Variants in PCCA observed in about 807,000 individuals in gnomAD.
PCCA encodes the protein propionyl-CoA carboxylase subunit alpha, also known as propionyl-CoA carboxylase alpha chain, mitochondrial.
PCCA carries 74 observed loss-of-function variants against 101.3 expected under a neutral mutation model. The ratio of observed to expected loss-of-function variants is 0.73; its 90% CI spans 0.61 to 0.89. The LOEUF is 0.89. Among genes scored for constraint, PCCA ranks in the 40% least tolerant of loss-of-function variants. The pLI is 0.00. For synonymous variants in PCCA, 294 were observed against 313.6 expected, an observed-to-expected ratio of 0.94 and a Z score of 0.66; for missense variants, 891 against 907.0, an observed-to-expected ratio of 0.98 and a Z score of 0.23.
intron 21 of PCCA, among the ~76,000 whole-genome samples, chr13:100,462,416 G>A (rs922928718): frequency 2.2e-4 from 34 of 152,112 alleles, no homozygotes; most frequent in African/African-American, 8.2e-4. Context: ...AACATGACTT[G>A]GTCCCTACCC....
intron 4 of PCCA, among the ~76,000 whole-genome samples, chr13:100,140,086 T>C (rs1297689965): frequency 6.6e-6 from 1 of 152,190 alleles, no homozygotes; most frequent in Non-Finnish European, 1.5e-5. Context: ...GCTCAGAAGT[T>C]CATAAACAAC....
At chr13:100,467,808 A>G (rs1354835559) in intron 21 of PCCA, among the ~76,000 whole-genome samples, 3 of 152,188 alleles carry the variant, frequency 2.0e-5, no homozygotes, top group Non-Finnish European at 4.4e-5. Context: ...CCAGTTCTTC[A>G]AACTCTTGTT....
chr13:100,265,898 C>T (rs1056626499), intron 10 of PCCA, among the ~76,000 whole-genome samples: 1 of 151,876 alleles, frequency 6.6e-6, no homozygotes, highest in African/African-American at 2.4e-5. Context: ...ATGGAGTGGG[C>T]TTTTACTGAG....
chr13:100,294,088 T>C (rs1042529413), intron 12 of PCCA, among the ~76,000 whole-genome samples: 3 of 152,068 alleles, frequency 2.0e-5, no homozygotes, highest in Non-Finnish European at 4.4e-5. Context: ...GCCAACAGGG[T>C]CAGTTTCTTT....
chr13:100,257,642 A>C lies in PCCA; in HGVS notation c.685A>C (p.Met229Leu). 3.1e-6 allele frequency: 5 copies of C among 1,613,842 alleles called. No homozygotes were observed. Among genetic ancestry groups the C allele is most frequent in the Non-Finnish European group, 4.2e-6 (5 of 1,179,820 alleles). ...CTCAGCAGGTGGTGGTGGGAAAGGC[A>C]TGCGCATTGCTTGGGATGATGAAGA... ...KASAGGGGKG[M>L]RIAWDDEETR... The change falls in exon 9 of 24, where the codon ATG (methionine) becomes CTG (leucine). Residue 229 changes from methionine (M) to leucine (L), a missense_variant. Transcript: ENST00000376285.
At chr13:100,158,301 A>T (rs1477501827) in intron 6 of PCCA, among the ~76,000 whole-genome samples, 1 of 152,164 alleles carries the variant, frequency 6.6e-6, no homozygotes, top group African/African-American at 2.4e-5. Flanking sequence ...GCATAACTGT[A>T]CTCGTATTCT....
chr13:100,392,723 A>G (rs2076859856), intron 19 of PCCA, among the ~76,000 whole-genome samples: 1 of 152,346 alleles, frequency 6.6e-6, no homozygotes, highest in South Asian at 2.1e-4. Context: ...GTGGTAAGTT[A>G]CCATGTTTCC....
At chr13:100,344,480 C>A (rs144508227) in intron 18 of PCCA, among the ~76,000 whole-genome samples, 1 of 152,120 alleles carries the variant, frequency 6.6e-6, no homozygotes, top group Non-Finnish European at 1.5e-5. Context: ...CCCCTTTGAG[C>A]CCATTAGGAA....
At chr13:100,230,820 T>G (rs2060425655) in intron 7 of PCCA, among the ~76,000 whole-genome samples, 1 of 152,174 alleles carries the variant, frequency 6.6e-6, no homozygotes, top group African/African-American at 2.4e-5. Context: ...TTATGGAGCT[T>G]ACATTTTAAT....
chr13:100,203,279 A>G (rs1660834132), intron 6 of PCCA, among the ~76,000 whole-genome samples: 1 of 151,604 alleles, frequency 6.6e-6, no homozygotes, highest in African/African-American at 2.4e-5. Flanking sequence ...GTCTCAAAAA[A>G]AAAAAAAAAA....
At chr13:100,104,034 T>C (rs1419616137) in intron 2 of PCCA, among the ~76,000 whole-genome samples, 1 of 152,194 alleles carries the variant, frequency 6.6e-6, no homozygotes, top group African/African-American at 2.4e-5. Context: ...TTGAGCCTTG[T>C]AGGGACTAGA....
chr13:100,353,248 G>A (rs990698425), intron 18 of PCCA, among the ~76,000 whole-genome samples: 6 of 152,090 alleles, frequency 3.9e-5, no homozygotes, highest in African/African-American at 7.2e-5. Flanking sequence ...TAAAAGTGTC[G>A]GACAGCCCTA....
intron 21 of PCCA, among the ~76,000 whole-genome samples, chr13:100,486,937 C>T (rs1405110067): frequency 5.3e-4 from 81 of 152,200 alleles, no homozygotes; most frequent in Non-Finnish European, 1.0e-4. Flanking sequence ...CAAAAAGCCC[C>T]CACAAACATG....
chr13:100,268,395 C>T (rs575001013), intron 10 of PCCA, among the ~76,000 whole-genome samples: 24 of 152,324 alleles, frequency 1.6e-4, no homozygotes, highest in African/African-American at 5.1e-4. Context: ...CACTAACACT[C>T]AGTGTCCTTC....
intron 8 of PCCA, among the ~76,000 whole-genome samples, chr13:100,254,210 G>A (rs1227904442): frequency 5.3e-5 from 8 of 152,074 alleles, no homozygotes; most frequent in East Asian, 1.9e-4. Flanking sequence ...GGGGAAAACC[G>A]CCCTCATGAT....
intron 19 of PCCA, among the ~76,000 whole-genome samples, chr13:100,409,240 A>T (rs766733829): frequency 7.9e-5 from 12 of 152,164 alleles, no homozygotes; most frequent in African/African-American, 2.9e-4. Context: ...TCAGGATAAA[A>T]AGGCTTAGGA....
rs550912790 is a variant in PCCA, at chr13:100,528,821, C to G, written c.2118+1069C>G. ...GTTTCTGTTCATGTAAAAATTTTATCTGTTCTTTGGGATTTAACATTTGTG... is the reference window on the plus strand; with the variant it reads ...GTTTCTGTTCATGTAAAAATTTTATGTGTTCTTTGGGATTTAACATTTGTG... On this transcript the variant is annotated intron_variant, in intron 23 of 23. Transcript: ENST00000376285. 2.0e-5 allele frequency among the ~76,000 whole-genome samples: 3 copies of G among 152,340 alleles called. No individual in the cohort carries two copies. The South Asian group carries it at 6.2e-4, about 32-fold the overall frequency.
intron 21 of PCCA, among the ~76,000 whole-genome samples, chr13:100,506,806 C>T (rs192732915): frequency 3.3e-5 from 5 of 152,232 alleles, no homozygotes; most frequent in Admixed American, 6.5e-5. Flanking sequence ...TGGGCACCGT[C>T]GTGAAATGGT....
chr13:100,249,546 T>C (rs556639448), intron 8 of PCCA, among the ~76,000 whole-genome samples: 1 of 152,322 alleles, frequency 6.6e-6, no homozygotes, highest in South Asian at 2.1e-4. Context: ...TTCAATATTG[T>C]GATGCCTATT....
Sources: gnomAD v4.1 joint callset for allele counts (sites outside exome capture counted in the v4.1 genomes callset) on GRCh38, gnomAD v4.1.1 for gene constraint, MANE v1.5 for transcripts, NCBI Gene and HGNC (gene_info 2026-07-23, HGNC 2026-07-21) for gene names.